The following NRG1 variants were observed in gnomAD, a reference collection of about 807,000 sequenced individuals.
The protein encoded by NRG1 is pro-neuregulin-1, membrane-bound isoform.
A neutral mutation model predicts 63.8 loss-of-function variants in NRG1; 18 were observed. That is an observed-to-expected ratio of 0.28 (90% CI 0.19 to 0.42). NRG1 has a LOEUF of 0.42. NRG1 is among the 10% of genes least tolerant of loss of function. The probability of loss-of-function intolerance (pLI) is 1.00; values close to 1 mark genes in which losing one functional copy is unlikely to be tolerated. For synonymous variants in NRG1, 302 were observed against 301.3 expected (o/e 1.00, Z -0.02); for missense variants, 762 against 814.7 (o/e 0.94, Z 0.79).
intron 1 of NRG1, among the ~76,000 whole-genome samples, chr8:31,913,096 T>A (rs1351196849): frequency 6.6e-6 from 1 of 152,180 alleles, no homozygotes; most frequent in African/African-American, 2.4e-5. Context: ...AATTGGGCAC[T>A]GAGGTTTAAA....
intron 2 of NRG1, among the ~76,000 whole-genome samples, chr8:32,604,517 A>C (rs529676243): frequency 6.6e-6 from 1 of 152,204 alleles, no homozygotes; most frequent in South Asian, 2.1e-4. Flanking sequence ...TCCCCTTAAG[A>C]GCCCAATAAA....
At chr8:31,941,399 A>C (rs531460057) in intron 1 of NRG1, among the ~76,000 whole-genome samples, 3 of 152,280 alleles carry the variant, frequency 2.0e-5, no homozygotes, top group South Asian at 4.1e-4. Context: ...GTCATACCTT[A>C]AGGTAATAAA....
chr8:32,192,131 T>A (rs1842551020), intron 1 of NRG1: 1 of 152,162 alleles, frequency 6.6e-6, no homozygotes, highest in Non-Finnish European at 1.5e-5. Context: ...TCAGCTGAGA[T>A]CAAGCACGTT....
chr8:32,729,881 A>C (rs1316359686), intron 6 of NRG1, among the ~76,000 whole-genome samples: 1 of 152,160 alleles, frequency 6.6e-6, no homozygotes, highest in African/African-American at 2.4e-5. Context: ...CTGAACAAGC[A>C]CCTTCCAGAA....
intron 1 of NRG1, among the ~76,000 whole-genome samples, chr8:31,860,088 T>C (rs986597693): frequency 3.3e-5 from 5 of 152,200 alleles, no homozygotes; most frequent in Non-Finnish European, 7.3e-5. Flanking sequence ...TAGATCCAAA[T>C]GTATTTGTCA....
intron 1 of NRG1, among the ~76,000 whole-genome samples, chr8:31,922,221 C>T (rs1045840312): frequency 9.9e-5 from 15 of 152,104 alleles, no homozygotes; most frequent in African/African-American, 3.6e-4. Flanking sequence ...TAGTTGTTTT[C>T]ATGGTGGCTG....
intron 1 of NRG1, among the ~76,000 whole-genome samples, chr8:31,831,057 G>T (rs750438020): frequency 2.2e-4 from 34 of 151,764 alleles, no homozygotes; most frequent in Middle Eastern, 3.5e-3. Flanking sequence ...CCTCTCTAAG[G>T]TTTCATTTTT....
chr8:32,736,268 G>A (rs763551263), intron 6 of NRG1, among the ~76,000 whole-genome samples: 4 of 152,172 alleles, frequency 2.6e-5, no homozygotes, highest in Non-Finnish European at 4.4e-5. Context: ...TTGGAAAAAT[G>A]CAGACTAATA....
chr8:32,343,304 T>C (rs1285257403), intron 1 of NRG1, among the ~76,000 whole-genome samples: 1 of 152,228 alleles, frequency 6.6e-6, no homozygotes, highest in Non-Finnish European at 1.5e-5. Flanking sequence ...TTTGTGGCCA[T>C]TAGTGTTTAC....
chr8:31,747,356 G>C (rs1452064287), intron 1 of NRG1, among the ~76,000 whole-genome samples: 1 of 151,874 alleles, frequency 6.6e-6, no homozygotes, highest in Non-Finnish European at 1.5e-5. Flanking sequence ...ACAAGGCACT[G>C]CCTGGGTTTG....
chr8:32,530,295 G>C (rs1831323768), intron 1 of NRG1, among the ~76,000 whole-genome samples: 1 of 151,960 alleles, frequency 6.6e-6, no homozygotes, highest in Admixed American at 6.6e-5. Flanking sequence ...TATTTGTAGA[G>C]ACGGGGTTTC....
chr8:32,297,422 T>C (rs1400699934), intron 1 of NRG1, among the ~76,000 whole-genome samples: 1 of 151,796 alleles, frequency 6.6e-6, no homozygotes, highest in African/African-American at 2.4e-5. Flanking sequence ...TGATGTAATG[T>C]ATAATCAGTT....
chr8:32,344,032 T>A (rs1041803523), intron 1 of NRG1, among the ~76,000 whole-genome samples: 10 of 152,216 alleles, frequency 6.6e-5, no homozygotes, highest in African/African-American at 2.2e-4. Context: ...ATAGACAGGC[T>A]GTTGTAAAGT....
intron 1 of NRG1, among the ~76,000 whole-genome samples, chr8:31,814,822 G>C (rs1823275685): frequency 6.6e-6 from 1 of 151,772 alleles, no homozygotes. Flanking sequence ...TAAAATTCAG[G>C]CTACAATAAT....
intron 5 of NRG1, among the ~76,000 whole-genome samples, chr8:32,668,481 G>C (rs1368351741): frequency 6.6e-6 from 1 of 152,126 alleles, no homozygotes; most frequent in Admixed American, 6.5e-5. Flanking sequence ...TGGGGATGAA[G>C]TACATGGTGG....
chr8:32,480,807 G>T (rs111556129), intron 1 of NRG1, among the ~76,000 whole-genome samples: 5 of 152,238 alleles, frequency 3.3e-5, no homozygotes, highest in African/African-American at 1.2e-4. Context: ...TAAACAACCA[G>T]ATCTCATATG....
rs948307091 is a variant in NRG1 at position 32,441,568 on chromosome 8, A to G, written c.38-154260A>G. 3 of 152,098 alleles carry G rather than the reference A, an allele frequency of 2.0e-5. 1 individual carries two copies. Among genetic ancestry groups the G allele is most frequent in the African/African-American group, 7.2e-5 (3 of 41,412 alleles). 9.4% of individuals were successfully genotyped at this position (152,098 alleles called of 1,614,324 possible). On this transcript the variant is annotated intron_variant, in intron 1 of 10. Coordinates refer to the NRG1 transcript ENST00000519301. ...CAGGAGTTTGAGGCTGCAGTGAGCT[A>G]TGATCGCACCACTGCACTCCAGTCT...
chr8:32,215,745 G>A (rs1449243850), intron 1 of NRG1, among the ~76,000 whole-genome samples: 2 of 152,092 alleles, frequency 1.3e-5, no homozygotes, highest in South Asian at 2.1e-4. Flanking sequence ...AAGCACCATC[G>A]AAAACATTGG....
intron 1 of NRG1, among the ~76,000 whole-genome samples, chr8:31,899,684 T>TA (rs1831910562): frequency 2.0e-5 from 3 of 151,748 alleles, no homozygotes; most frequent in South Asian, 4.1e-4. Context: ...TCAAGCTTTT[T>TA]AAAAAAATTC....
Sources: gnomAD v4.1 joint callset for allele counts (sites outside exome capture counted in the v4.1 genomes callset) on GRCh38, gnomAD v4.1.1 for gene constraint, MANE v1.5 for transcripts, NCBI Gene and HGNC (gene_info 2026-07-23, HGNC 2026-07-21) for gene names.